The following ATG10 variants were observed in gnomAD, a reference collection of about 807,000 sequenced individuals.
The protein encoded by ATG10 is ubiquitin-like-conjugating enzyme ATG10.
Under a neutral mutation model 32.1 loss-of-function variants are expected in ATG10, and 30 were observed. That is an observed-to-expected ratio of 0.94 (90% CI 0.70 to 1.27). The LOEUF (loss-of-function observed/expected upper bound fraction) is 1.27. Ranked by LOEUF, ATG10 falls within the 50% of genes most tolerant of loss-of-function variation. The probability of loss-of-function intolerance (pLI) is 0.00; values close to 1 mark genes in which losing one functional copy is unlikely to be tolerated. For synonymous variants in ATG10, 87 were observed against 91.5 expected, an observed-to-expected ratio of 0.95 and a Z score of 0.28; for missense variants, 233 against 262.3, an observed-to-expected ratio of 0.89 and a Z score of 0.77.
chr5:82,139,946 T>G (rs1241700216), intron 3 of ATG10, among the ~76,000 whole-genome samples: 4 of 97,900 alleles, frequency 4.1e-5, no homozygotes, highest in South Asian at 3.7e-4. Flanking sequence ...GGTGGGGGGG[T>G]CAGCCCTCCG....
chr5:82,233,004 A>AT (rs1283312038), intron 5 of ATG10, among the ~76,000 whole-genome samples: 2 of 152,122 alleles, frequency 1.3e-5, no homozygotes, highest in African/African-American at 4.8e-5. Flanking sequence ...CTTTACTCTT[A>AT]TATCTTTCTG....
chr5:82,139,800 G>GCC (rs1766988912), intron 3 of ATG10, among the ~76,000 whole-genome samples: 2 of 138,246 alleles, frequency 1.4e-5, no homozygotes, highest in African/African-American at 5.5e-5. Context: ...GAAGTGAGGA[G>GCC]CCCCTCAGCC....
chr5:81,985,908 G>A (rs1318333085), intron 1 of ATG10, among the ~76,000 whole-genome samples: 8 of 152,100 alleles, frequency 5.3e-5, no homozygotes, highest in Non-Finnish European at 1.2e-4. Context: ...GACTACAGGC[G>A]CCCGCCACCA....
At chr5:82,137,517 CCT>C (rs1467038100) in intron 3 of ATG10, among the ~76,000 whole-genome samples, 4 of 152,246 alleles carry the variant, frequency 2.6e-5, no homozygotes, top group East Asian at 1.9e-4. Flanking sequence ...CACTCCATAC[CCT>C]GTTTTCCTGG....
chr5:82,033,823 C>G (rs1167159137), intron 2 of ATG10, among the ~76,000 whole-genome samples: 1 of 150,676 alleles, frequency 6.6e-6, no homozygotes, highest in African/African-American at 2.4e-5. Flanking sequence ...ATGTATATAT[C>G]TGTACTATAT....
intron 3 of ATG10, among the ~76,000 whole-genome samples, chr5:82,103,465 G>T (rs1280465170): frequency 6.6e-6 from 1 of 152,092 alleles, no homozygotes; most frequent in East Asian, 1.9e-4. Flanking sequence ...ACATAAACCT[G>T]TGTGCCCCTC....
At chr5:81,988,221 C>G (rs1761346559) in intron 2 of ATG10, among the ~76,000 whole-genome samples, 1 of 152,212 alleles carries the variant, frequency 6.6e-6, no homozygotes, top group African/African-American at 2.4e-5. Flanking sequence ...ACTGCAACCT[C>G]TGCCTTTGGG....
At chr5:82,242,580 ATAG>A (rs1449510307) in intron 5 of ATG10, among the ~76,000 whole-genome samples, 2 of 152,190 alleles carry the variant, frequency 1.3e-5, no homozygotes, top group Non-Finnish European at 2.9e-5. Context: ...TTACAATGAA[ATAG>A]TAGAGAGAAA....
At chr5:82,141,283 A>G (rs913294797) in intron 3 of ATG10, among the ~76,000 whole-genome samples, 9 of 152,204 alleles carry the variant, frequency 5.9e-5, no homozygotes, top group African/African-American at 2.2e-4. Context: ...ATAACTTGTT[A>G]CTTGAATTTT....
chr5:81,991,507 T>A (rs2149672253), intron 2 of ATG10, among the ~76,000 whole-genome samples: 1 of 152,272 alleles, frequency 6.6e-6, no homozygotes, highest in East Asian at 1.9e-4. Flanking sequence ...CCTCTGCCCC[T>A]TTTTGCTCCT....
intron 3 of ATG10, among the ~76,000 whole-genome samples, chr5:82,088,304 T>G (rs1461101746): frequency 2.6e-5 from 4 of 152,150 alleles, no homozygotes; most frequent in Non-Finnish European, 1.5e-5. Flanking sequence ...TGAACTATAT[T>G]AGGTAATCAG....
At chr5:82,137,172 G>C (rs1443098689) in intron 3 of ATG10, among the ~76,000 whole-genome samples, 1 of 151,980 alleles carries the variant, frequency 6.6e-6, no homozygotes, top group Non-Finnish European at 1.5e-5. Flanking sequence ...CTTTGGCTTG[G>C]GGAAATTTGT....
intron 5 of ATG10, among the ~76,000 whole-genome samples, chr5:82,220,027 A>T (rs1286143543): frequency 6.6e-6 from 1 of 152,196 alleles, no homozygotes; most frequent in African/African-American, 2.4e-5. Context: ...CTAAGGAGTT[A>T]GGAAGGAACA....
At chr5:81,992,114 C>CT (rs1761482385) in intron 2 of ATG10, 1 of 152,208 alleles carries the variant, frequency 6.6e-6, no homozygotes, top group African/African-American at 2.4e-5. Flanking sequence ...CCTCAGCTCT[C>CT]TAAGTAGCTG....
At chr5:82,229,929 G>C (rs757719891) in intron 5 of ATG10, among the ~76,000 whole-genome samples, 1 of 152,170 alleles carries the variant, frequency 6.6e-6, no homozygotes, top group Non-Finnish European at 1.5e-5. Flanking sequence ...AGGCCTGTTC[G>C]TATACAGATT....
At chr5:82,037,129 CAAAAAA>C (rs1159037400) in intron 2 of ATG10, among the ~76,000 whole-genome samples, 2 of 25,796 alleles carry the variant, frequency 7.8e-5, no homozygotes, top group Non-Finnish European at 1.5e-4. Context: ...GACTCTGTCT[CAAAAAA>C]AAAAAAAAAA....
intron 3 of ATG10, among the ~76,000 whole-genome samples, chr5:82,138,809 A>C (rs2149855282): frequency 6.7e-6 from 1 of 149,708 alleles, no homozygotes; most frequent in African/African-American, 2.5e-5. Context: ...CAAAATTTGA[A>C]GCTATCTAAT....
chr5:81,987,479 TGACAG>T, intron 1 of ATG10, 75 bp from the exon 2 acceptor site: 1 of 1,131,864 alleles, frequency 8.8e-7, no homozygotes, highest in Non-Finnish European at 1.2e-6. Context: ...TTTGGTTTAT[TGACAG>T]AAATAAATCA....
rs6886602 is a variant in ATG10, at chr5:82,087,795, T to G, written c.216+29193T>G. 4.0e-5 allele frequency among the ~76,000 whole-genome samples: 6 copies of G among 151,846 alleles called. No homozygotes were observed. In the East Asian group the frequency reaches 1.2e-3, roughly 29 times the overall value. ...TAAAAATTTGCTGAGAGGGTAGATC[T>G]TATGTTAAGGATGATGATAATGATA... is the stretch of plus-strand genomic sequence containing the variant. On this transcript the variant is annotated intron_variant, in intron 3 of 7. Transcript: ENST00000282185.
Sources: allele counts gnomAD v4.1 joint callset (sites outside exome capture counted in the v4.1 genomes callset), GRCh38; gene constraint gnomAD v4.1.1; transcripts MANE v1.5; gene names NCBI Gene and HGNC (gene_info 2026-07-23, HGNC 2026-07-21).